Variants in ABCA6 observed in about 807,000 individuals in gnomAD.
ABCA6 encodes the protein ATP-binding cassette sub-family A member 6.
In ABCA6, 164 loss-of-function variants were observed where a neutral mutation model predicts 191.2. The ratio of observed to expected loss-of-function variants is 0.86; its 90% CI spans 0.76 to 0.98. ABCA6 has a LOEUF of 0.98. ABCA6 is among the 50% of genes least tolerant of loss of function. The probability of loss-of-function intolerance (pLI) is 0.00; values close to 1 mark genes in which losing one functional copy is unlikely to be tolerated. For synonymous variants in ABCA6, 636 were observed against 647.7 expected (o/e 0.98, Z 0.27); for missense variants, 1,958 against 1,894.1 (o/e 1.03, Z -0.63).
intron 6 of ABCA6, among the ~76,000 whole-genome samples, chr17:69,132,726 C>T (rs552787575): frequency 9.9e-5 from 15 of 152,262 alleles, no homozygotes; most frequent in African/African-American, 3.4e-4. Context: ...GTGATCCACC[C>T]GCCTGGGCCT....
intron 5 of ABCA6, 142 bp downstream of exon 5, chr17:69,134,497 T>C: frequency 1.6e-6 from 1 of 642,018 alleles, no homozygotes; most frequent in East Asian, 2.8e-5. Context: ...GAAATAAATT[T>C]CTGTCCTTTA....
Position 69,137,329 on chromosome 17 carries a change from T to C in ABCA6, c.268A>G (p.Met90Val). 2.5e-6 allele frequency: 4 copies of C among 1,613,362 alleles called. No individual in the cohort carries two copies. Among genetic ancestry groups the C allele is most frequent in the Non-Finnish European group, 3.4e-6 (4 of 1,179,690 alleles). ...TPISNLTQQI[M>V]NKTALAPLLK... Reference sequence around the variant, plus strand: ...AGAGGAGCAAGTGCTGTTTTATTCATTATCTGCTGGGTTAAATTAGATATT... The same window carrying C: ...AGAGGAGCAAGTGCTGTTTTATTCACTATCTGCTGGGTTAAATTAGATATT... The change falls in exon 3 of 39, where the codon ATG becomes GTG. Residue 90 changes from methionine to valine, a missense_variant. Physicochemically the swap from Met to Val is conservative, Grantham distance 21. Coordinates refer to ENST00000284425, the MANE Select transcript of ABCA6 (RefSeq NM_080284.3).
intron 22 of ABCA6, 49 bp downstream of exon 22, chr17:69,100,748 C>T (rs776997792): frequency 3.3e-6 from 5 of 1,508,054 alleles, no homozygotes; most frequent in Non-Finnish European, 4.4e-6. Context: ...AAAACATAGG[C>T]TATTTGTCCA....
chr17:69,114,604 T>C (rs959739404), intron 13 of ABCA6, among the ~76,000 whole-genome samples, 158 bp downstream of exon 13: 1 of 152,104 alleles, frequency 6.6e-6, no homozygotes, highest in Non-Finnish European at 1.5e-5. Flanking sequence ...TATTATGCAA[T>C]TTTAACCACT....
At chr17:69,140,585 AAG>A in intron 2 of ABCA6, 21 bp downstream of exon 2, 1 of 1,537,080 alleles carries the variant, frequency 6.5e-7, no homozygotes, top group South Asian at 1.2e-5. Context: ...TAACCGTGGA[AAG>A]AGACAAATTT....
chr17:69,083,346 A>C lies in ABCA6; in HGVS notation c.4356-15T>G. The C allele has an allele frequency of 5.1e-6, 8 of 1,559,456 alleles. No homozygotes were observed. The highest frequency in any genetic ancestry group is 4.3e-6 in the Non-Finnish European group (5 of 1,162,532). On this transcript the variant is annotated splice_polypyrimidine_tract_variant and intron_variant, in intron 34 of 38. Transcript: ENST00000284425. ...GGATTGCCTGCCTGCAGTGAGCAAAAAAATTAACAGTATTTAAAATAACTA... is the reference window on the plus strand; with the variant it reads ...GGATTGCCTGCCTGCAGTGAGCAAACAAATTAACAGTATTTAAAATAACTA...
rs1011334310 is a variant in ABCA6, at chr17:69,091,011, C to A, written c.3528+132G>T. On this transcript the variant is annotated intron_variant, in intron 26 of 38. Transcript: ENST00000284425. ...TTCCCCTTTTGAACATTTTCATCATCCCCCCAAAATCTCTTATGCCCATTT... is the reference window on the plus strand; with the variant it reads ...TTCCCCTTTTGAACATTTTCATCATACCCCCAAAATCTCTTATGCCCATTT... The A allele has an allele frequency of 9.5e-6, 8 of 843,102 alleles. No individual in the cohort carries two copies. The African/African-American group carries it at 1.0e-4, about 11-fold the overall frequency. 52.2% of individuals were successfully genotyped at this position (843,102 alleles called of 1,614,324 possible). A position where few individuals can be genotyped will look rare whatever the true frequency, so the allele number is the denominator to read the frequency against.
chr17:69,102,789 T>A, intron 21 of ABCA6, 46 bp downstream of exon 21: 3 of 1,539,508 alleles, frequency 1.9e-6, no homozygotes, highest in Non-Finnish European at 2.6e-6. Context: ...ACAGCTAAAA[T>A]GTAGTACTTT....
chr17:69,124,579 T>C (rs776067476), intron 9 of ABCA6, among the ~76,000 whole-genome samples: 1 of 151,928 alleles, frequency 6.6e-6, no homozygotes, highest in Non-Finnish European at 1.5e-5. Context: ...AATCCTAATA[T>C]GACCCTTTCA....
chr17:69,081,073 T>A lies in ABCA6; in HGVS notation c.4689A>T (p.Leu1563Phe), dbSNP rs756305744. 1.9e-6 allele frequency: 3 copies of A among 1,595,016 alleles called. No homozygotes were observed. In the Admixed American group the frequency reaches 5.2e-5, roughly 28 times the overall value. ...VYPLSQTFHK[L>F]EAVKHNFNLE... Reference sequence around the variant, plus strand: ...GAATGTGGTCACTCTTACCTGCTTCTAATTTGTGAAAGGTCTGTGATAGAG... The same window carrying A: ...GAATGTGGTCACTCTTACCTGCTTCAAATTTGTGAAAGGTCTGTGATAGAG... The change falls in exon 37 of 39, where the codon TTA becomes TTT. Residue 1563 changes from leucine (L) to phenylalanine (F), a missense_variant. Physicochemically the swap from Leu to Phe is conservative, Grantham distance 22. Transcript: ENST00000284425.
At chr17:69,133,581 T>G in intron 6 of ABCA6, 60 bp downstream of exon 6, 1 of 1,274,568 alleles carries the variant, frequency 7.8e-7, no homozygotes, top group Non-Finnish European at 1.1e-6. Context: ...CAATAACACT[T>G]TTTCACTGCT....
At position 69,078,779 on chromosome 17, in the gene ABCA6, C is replaced by T. The variant is rs533302484; in HGVS notation, c.*194G>A. 25 of 401,968 alleles carry T rather than the reference C, an allele frequency of 6.2e-5. 1 individual carries two copies. Among genetic ancestry groups the T allele is most frequent in the Middle Eastern group, 1.3e-3 (2 of 1,508 alleles). 24.9% of individuals were successfully genotyped at this position (401,968 alleles called of 1,614,324 possible). A position where few individuals can be genotyped will look rare whatever the true frequency, so the allele number is the denominator to read the frequency against. On this transcript the variant is annotated 3_prime_UTR_variant, in exon 39 of 39. Transcript: ENST00000284425. ...GTGACTTTACTAATATTTTGTATTGCCTTTATCACAGGTTTGCTATCACCC... is the reference window on the plus strand; with the variant it reads ...GTGACTTTACTAATATTTTGTATTGTCTTTATCACAGGTTTGCTATCACCC...
chr17:69,086,774 A>G, intron 29 of ABCA6, 39 bp from the exon 30 acceptor site: 1 of 1,442,106 alleles, frequency 6.9e-7, no homozygotes, highest in East Asian at 2.4e-5. Flanking sequence ...CTTAAATTTC[A>G]GAGACTTTAG....
chr17:69,105,177 T>C, intron 20 of ABCA6: 1 of 335,770 alleles, frequency 3.0e-6, no homozygotes, highest in Non-Finnish European at 5.4e-6. Flanking sequence ...GGTGTGCCAA[T>C]ATAGAAGTTT....
chr17:69,082,386 C>T (rs990273427), intron 36 of ABCA6, among the ~76,000 whole-genome samples: 1 of 151,946 alleles, frequency 6.6e-6, no homozygotes, highest in Non-Finnish European at 1.5e-5. Context: ...TGCACACACA[C>T]ATACACACAT....
chr17:69,086,513 A>G, intron 30 of ABCA6, 105 bp downstream of exon 30: 1 of 394,142 alleles, frequency 2.5e-6, no homozygotes. Context: ...ATATATATAG[A>G]ATAAATGAAT....
chr17:69,114,725 G>A, intron 13 of ABCA6, 37 bp downstream of exon 13: 1 of 1,554,012 alleles, frequency 6.4e-7, no homozygotes, highest in Non-Finnish European at 8.7e-7. Context: ...TTTGGTAAGT[G>A]GTTGGCAGGT....
At chr17:69,118,669 T>C (rs1230721115) in intron 10 of ABCA6, among the ~76,000 whole-genome samples, 2 of 152,090 alleles carry the variant, frequency 1.3e-5, no homozygotes, top group Non-Finnish European at 2.9e-5. Context: ...TAATGGTGAC[T>C]TAATTGCTTT....
At position 69,083,277 on chromosome 17, in the gene ABCA6, G is replaced by T. The variant is rs761631419; in HGVS notation, c.4410C>A (p.Thr1470=). ...AGGCTTCCGCCTCAGCCAGGTTATG[G>T]GTGGTCAGGAGGACACCTCTCTCTG... The part of the protein sequence containing the change: ...KNTERGVLLT[T]HNLAEAEALC... The change falls in exon 35 of 39, where the codon ACC becomes ACA. Residue 1470 remains threonine, a synonymous_variant. Transcript: ENST00000284425. 2 of 1,610,528 alleles carry T rather than the reference G, an allele frequency of 1.2e-6. No individual in the cohort carries two copies. Among genetic ancestry groups the T allele is most frequent in the South Asian group, 2.2e-5 (2 of 90,396 alleles).
Sources: gnomAD v4.1 joint callset for allele counts (sites outside exome capture counted in the v4.1 genomes callset) on GRCh38, gnomAD v4.1.1 for gene constraint, MANE v1.5 for transcripts, NCBI Gene and HGNC (gene_info 2026-07-23, HGNC 2026-07-21) for gene names.